Variants in RGS6 observed in about 807,000 individuals in gnomAD.
The protein encoded by RGS6 is regulator of G-protein signaling 6.
Under a neutral mutation model 78.5 loss-of-function variants are expected in RGS6, and 30 were observed. The observed-to-expected ratio is 0.38, with a 90% CI of 0.29 to 0.52. The LOEUF (loss-of-function observed/expected upper bound fraction) is 0.52, where lower values mean the gene tolerates loss of function less well. RGS6 is among the 20% of genes least tolerant of loss of function. The pLI, the probability that RGS6 is intolerant of heterozygous loss-of-function variation, is 0.85. For synonymous variants in RGS6, 206 were observed against 206.0 expected (o/e 1.00, Z 0.00); for missense variants, 495 against 609.7 (o/e 0.81, Z 1.98).
At chr14:71,969,667 A>G (rs532308558) in intron 2 of RGS6, among the ~76,000 whole-genome samples, 123 of 152,346 alleles carry the variant, frequency 8.1e-4, no homozygotes, top group Non-Finnish European at 1.6e-3. Context: ...TTCTAACACA[A>G]AAAGAATATA....
At chr14:72,045,000 A>T (rs1006261697) in intron 2 of RGS6, among the ~76,000 whole-genome samples, 4 of 152,212 alleles carry the variant, frequency 2.6e-5, no homozygotes, top group African/African-American at 9.6e-5. Context: ...TGAGAGTTAC[A>T]TTGTTGGCTC....
chr14:72,536,357 A>C, intron 16 of RGS6, 82 bp downstream of exon 16: 4 of 981,970 alleles, frequency 4.1e-6, no homozygotes, highest in Non-Finnish European at 6.6e-6. Flanking sequence ...TGAGAATATC[A>C]TCCCTTGGGT....
At chr14:72,489,921 T>C (rs1181861342) in intron 12 of RGS6, among the ~76,000 whole-genome samples, 2 of 152,234 alleles carry the variant, frequency 1.3e-5, no homozygotes, top group Non-Finnish European at 2.9e-5. Context: ...CAACATGCAA[T>C]GCCATTTCTT....
chr14:72,164,507 A>G (rs1028809842), intron 2 of RGS6, among the ~76,000 whole-genome samples: 5 of 152,208 alleles, frequency 3.3e-5, no homozygotes, highest in Non-Finnish European at 5.9e-5. Flanking sequence ...CTCTGTGTCA[A>G]ACATCTTAAG....
At chr14:71,979,650 C>CT (rs1170762050) in intron 2 of RGS6, among the ~76,000 whole-genome samples, 2 of 152,064 alleles carry the variant, frequency 1.3e-5, no homozygotes, top group Admixed American at 1.3e-4. Context: ...AATTTCTGTT[C>CT]TTTTACATTT....
In RGS6 at chr14:72,305,035, G is replaced by A. The variant is rs139577016; in HGVS notation, c.85-47060G>A. The stretch of plus-strand genomic sequence containing the variant: ...TTTCTGATCTTGGCCAAGGGGAGAG[G>A]TGAAAAATGTCAAGTCCTTGTGGTT... On this transcript the variant is annotated intron_variant, in intron 2 of 17. Transcript: ENST00000553525. 2.0e-5 allele frequency among the ~76,000 whole-genome samples: 3 copies of A among 152,228 alleles called. No individual in the cohort carries two copies. The East Asian group carries it at 5.8e-4, about 29-fold the overall frequency.
intron 17 of RGS6, among the ~76,000 whole-genome samples, chr14:72,542,449 A>G (rs1473485481): frequency 2.6e-5 from 4 of 152,216 alleles, no homozygotes; most frequent in Non-Finnish European, 4.4e-5. Context: ...GATTTCTCTA[A>G]GAGAAGATCT....
the RGS6 span, among the ~76,000 whole-genome samples, chr14:72,616,561 G>T: frequency 7.9e-5 from 12 of 152,178 alleles, no homozygotes; most frequent in Non-Finnish European, 1.2e-4. Context: ...GCATGGCTCT[G>T]CAGTGCTTGT....
chr14:72,265,589 A>G (rs1382223652), intron 2 of RGS6, among the ~76,000 whole-genome samples: 1 of 152,174 alleles, frequency 6.6e-6, no homozygotes. Context: ...TAACTCTACC[A>G]TCACCACCTG....
At chr14:71,943,368 G>A (rs1433391813) in intron 1 of RGS6, among the ~76,000 whole-genome samples, 1 of 152,068 alleles carries the variant, frequency 6.6e-6, no homozygotes, top group Admixed American at 6.5e-5. Flanking sequence ...TAAGAAGATG[G>A]GACTGTCACA....
At chr14:71,945,924 A>C (rs1300388422) in intron 1 of RGS6, among the ~76,000 whole-genome samples, 1 of 152,190 alleles carries the variant, frequency 6.6e-6, no homozygotes, top group African/African-American at 2.4e-5. Context: ...CTGTAGAAAA[A>C]AAAGATTAAA....
chr14:71,905,645 C>T, the RGS6 span, among the ~76,000 whole-genome samples: 1 of 152,044 alleles, frequency 6.6e-6, no homozygotes, highest in African/African-American at 2.4e-5. Context: ...ACATGCCACG[C>T]TGACCGGATA....
intron 2 of RGS6, among the ~76,000 whole-genome samples, chr14:72,346,075 A>C (rs2077981287): frequency 6.6e-6 from 1 of 152,214 alleles, no homozygotes; most frequent in Non-Finnish European, 1.5e-5. Flanking sequence ...GACAGTCATT[A>C]GTAGCTAGAA....
intron 2 of RGS6, among the ~76,000 whole-genome samples, chr14:72,006,306 A>G (rs2084541177): frequency 6.6e-6 from 1 of 152,192 alleles, no homozygotes; most frequent in Admixed American, 6.5e-5. Context: ...CAGATAGGAA[A>G]TATGGTTGCC....
rs367975734 is a variant in RGS6, at chr14:72,036,150, T to G, written c.84+71275T>G. ...ATATAATCTTTTGAGACTGGCGTCTTTCACTCTGCATAATGCCTCGAAGAC... is the reference window on the plus strand; with the variant it reads ...ATATAATCTTTTGAGACTGGCGTCTGTCACTCTGCATAATGCCTCGAAGAC... On this transcript the variant is annotated intron_variant, in intron 2 of 17. Transcript: ENST00000553525. Among the ~76,000 whole-genome samples, 16 of 152,030 alleles carry G rather than the reference T, an allele frequency of 1.1e-4. No individual in the cohort carries two copies. In the South Asian group the frequency reaches 3.1e-3, roughly 30 times the overall value.
chr14:72,628,418 CA>C, the RGS6 span, among the ~76,000 whole-genome samples: 1 of 151,874 alleles, frequency 6.6e-6, no homozygotes, highest in Non-Finnish European at 1.5e-5. Context: ...TGAAGGTAAC[CA>C]AATGAAAGAT....
chr14:72,541,363 T>G, intron 17 of RGS6: 11 of 1,390,270 alleles, frequency 7.9e-6, no homozygotes, highest in Non-Finnish European at 9.7e-6. Context: ...ATTTGCTACA[T>G]GTAAACCTCA....
intron 2 of RGS6, among the ~76,000 whole-genome samples, chr14:72,130,158 A>G (rs937911169): frequency 2.6e-5 from 4 of 152,200 alleles, no homozygotes; most frequent in African/African-American, 9.6e-5. Context: ...AGTTTATTAT[A>G]AATGATACAA....
chr14:72,579,032 C>T, the RGS6 span, among the ~76,000 whole-genome samples: 1 of 152,190 alleles, frequency 6.6e-6, no homozygotes, highest in African/African-American at 2.4e-5. Context: ...CCTGCATCAG[C>T]CTATGCTCCT....
Sources: allele counts gnomAD v4.1 joint callset (sites outside exome capture counted in the v4.1 genomes callset), GRCh38; gene constraint gnomAD v4.1.1; transcripts MANE v1.5; gene names NCBI Gene and HGNC (gene_info 2026-07-23, HGNC 2026-07-21).